The following PTPRR variants were observed in gnomAD, a reference collection of about 807,000 sequenced individuals.
PTPRR encodes protein tyrosine phosphatase receptor type R.
In PTPRR, 38 loss-of-function variants were observed where a neutral mutation model predicts 77.2. The ratio of observed to expected loss-of-function variants is 0.49; its 90% CI spans 0.38 to 0.65. The LOEUF (loss-of-function observed/expected upper bound fraction) is 0.65, where lower values mean the gene tolerates loss of function less well. Among genes scored for constraint, PTPRR ranks in the 30% least tolerant of loss-of-function variants. PTPRR has a pLI of 0.00. For synonymous variants in PTPRR, 299 were observed against 283.1 expected (o/e 1.06, Z -0.57); for missense variants, 744 against 799.2 (o/e 0.93, Z 0.83).
At chr12:70,823,163 C>T (rs1446668764) in intron 2 of PTPRR, among the ~76,000 whole-genome samples, 3 of 139,446 alleles carry the variant, frequency 2.2e-5, no homozygotes, top group African/African-American at 5.7e-5. Context: ...ACAGAGTTGT[C>T]GTTTTTCTTT....
intron 6 of PTPRR, among the ~76,000 whole-genome samples, chr12:70,723,997 A>T (rs1889349124): frequency 6.6e-6 from 1 of 152,238 alleles, no homozygotes; most frequent in Non-Finnish European, 1.5e-5. Context: ...AAAAAAAGAT[A>T]CAGATTTTTG....
rs75846478 is a variant in PTPRR, at chr12:70,649,263, C to T, written c.1880+7441G>A. ...TCCAGTGTTCAAGCTCTTGACTGAT[C>T]GGTCATGAAATGAGCCCCATTTCAA... On this transcript the variant is annotated intron_variant, in intron 13 of 13. Transcript: ENST00000283228. Among the ~76,000 whole-genome samples the T allele has an allele frequency of 9.7e-3, 1,475 of 152,226 alleles. 45 individuals carry two copies. Among genetic ancestry groups the T allele is most frequent in the East Asian group, 0.073 (377 of 5,170 alleles).
intron 10 of PTPRR, among the ~76,000 whole-genome samples, chr12:70,671,416 T>G (rs1359412264): frequency 6.6e-6 from 1 of 152,168 alleles, no homozygotes; most frequent in Non-Finnish European, 1.5e-5. Flanking sequence ...ACATATAACA[T>G]AAATGTTTGA....
chr12:70,851,420 T>TAG (rs2137069635), intron 2 of PTPRR, among the ~76,000 whole-genome samples: 1 of 152,166 alleles, frequency 6.6e-6, no homozygotes, highest in South Asian at 2.1e-4. Context: ...ACGTTTTGGG[T>TAG]AGAGGTTAAG....
At chr12:70,801,192 T>A (rs1891609001) in intron 2 of PTPRR, among the ~76,000 whole-genome samples, 1 of 152,206 alleles carries the variant, frequency 6.6e-6, no homozygotes, top group South Asian at 2.1e-4. Flanking sequence ...TGTTCAGCAT[T>A]CTTAGTTGGA....
intron 8 of PTPRR, among the ~76,000 whole-genome samples, chr12:70,692,946 A>T (rs1176212993): frequency 6.6e-6 from 1 of 152,128 alleles, no homozygotes; most frequent in African/African-American, 2.4e-5. Context: ...TCTATTTGGG[A>T]TGTGGCTCAC....
At chr12:70,717,129 T>A (rs1345882048) in intron 6 of PTPRR, among the ~76,000 whole-genome samples, 1 of 152,230 alleles carries the variant, frequency 6.6e-6, no homozygotes, top group Non-Finnish European at 1.5e-5. Context: ...ATGAGTTAAT[T>A]CATTATTTCT....
At chr12:70,878,594 C>G (rs542914061) in intron 2 of PTPRR, among the ~76,000 whole-genome samples, 21 of 152,088 alleles carry the variant, frequency 1.4e-4, no homozygotes, top group Non-Finnish European at 2.2e-4. Context: ...TAAAAAGTCA[C>G]GAAACAGCAG....
chr12:70,843,155 A>G (rs1359484512), intron 2 of PTPRR, among the ~76,000 whole-genome samples: 1 of 152,226 alleles, frequency 6.6e-6, no homozygotes, highest in Non-Finnish European at 1.5e-5. Context: ...AGAGGCTGGC[A>G]AAGAGCAGCC....
At chr12:70,732,671 C>A (rs966126591) in intron 6 of PTPRR, among the ~76,000 whole-genome samples, 2 of 152,298 alleles carry the variant, frequency 1.3e-5, no homozygotes, top group South Asian at 2.1e-4. Context: ...AGCAATTATA[C>A]TGCCTCAGCC....
chr12:70,733,442 A>AAAG (rs1555171094), intron 6 of PTPRR, among the ~76,000 whole-genome samples: 2 of 93,694 alleles, frequency 2.1e-5, no homozygotes, highest in African/African-American at 8.2e-5. Flanking sequence ...AAAAAAAAAA[A>AAAG]AAAGAAAGAA....
At chr12:70,801,404 G>A (rs938763332) in intron 2 of PTPRR, among the ~76,000 whole-genome samples, 3 of 152,182 alleles carry the variant, frequency 2.0e-5, no homozygotes, top group African/African-American at 4.8e-5. Flanking sequence ...CCTCCCCATT[G>A]TGGGTTGGCT....
At chr12:70,890,319 A>G (rs1391355101) in intron 2 of PTPRR, among the ~76,000 whole-genome samples, 4 of 152,096 alleles carry the variant, frequency 2.6e-5, no homozygotes, top group Non-Finnish European at 4.4e-5. Flanking sequence ...TAAACTATAA[A>G]TTTTCCTGAT....
chr12:70,660,397 C>T (rs2136671862), intron 12 of PTPRR, among the ~76,000 whole-genome samples: 1 of 152,210 alleles, frequency 6.6e-6, no homozygotes, highest in Non-Finnish European at 1.5e-5. Flanking sequence ...CTGGTAACAG[C>T]ACTTTGTTTT....
intron 2 of PTPRR, among the ~76,000 whole-genome samples, chr12:70,867,331 C>A (rs1180822306): frequency 5.3e-5 from 8 of 151,354 alleles, no homozygotes; most frequent in African/African-American, 1.9e-4. Flanking sequence ...TGATAAGCAA[C>A]TTCAGCAAAG....
chr12:70,710,873 G>A (rs1247191368), intron 6 of PTPRR, among the ~76,000 whole-genome samples: 1 of 152,016 alleles, frequency 6.6e-6, no homozygotes, highest in Non-Finnish European at 1.5e-5. Flanking sequence ...CAGTTAGAAT[G>A]GCTACTATTA....
chr12:70,854,629 A>T (rs1388941690), intron 2 of PTPRR, among the ~76,000 whole-genome samples: 2 of 152,232 alleles, frequency 1.3e-5, no homozygotes, highest in East Asian at 3.8e-4. Context: ...CATGGATCAC[A>T]CAAAAGTTGA....
intron 2 of PTPRR, among the ~76,000 whole-genome samples, chr12:70,775,457 A>G (rs757177068): frequency 4.2e-4 from 64 of 152,254 alleles, no homozygotes; most frequent in Non-Finnish European, 8.2e-4. Context: ...TGTTTGAATT[A>G]TAAGTATGTG....
intron 2 of PTPRR, among the ~76,000 whole-genome samples, chr12:70,842,132 T>G (rs1331694201): frequency 1.3e-5 from 2 of 152,220 alleles, no homozygotes; most frequent in Non-Finnish European, 2.9e-5. Context: ...CTGCTATGAC[T>G]TTTTATGCAT....
Sources: allele counts gnomAD v4.1 joint callset (sites outside exome capture counted in the v4.1 genomes callset), GRCh38; gene constraint gnomAD v4.1.1; transcripts MANE v1.5; gene names NCBI Gene and HGNC (gene_info 2026-07-23, HGNC 2026-07-21).